The following CTNNA3 variants were observed in gnomAD, a reference collection of about 807,000 sequenced individuals.
The protein encoded by CTNNA3 is catenin alpha 3.
In CTNNA3, 76 loss-of-function variants were observed where a neutral mutation model predicts 95.7. That is an observed-to-expected ratio of 0.79 (90% confidence interval 0.66 to 0.96). The LOEUF is 0.96. CTNNA3 is among the 40% of genes least tolerant of loss of function. The pLI is 0.00. For synonymous variants in CTNNA3, 431 were observed against 374.4 expected (o/e 1.15, Z -1.74); for missense variants, 1,191 against 1,089.8 (o/e 1.09, Z -1.31).
In CTNNA3 at chr10:66,254,667, G is replaced by A. The variant is rs541650696; in HGVS notation, c.1884+25803C>T. Reference sequence around the variant, plus strand: ...ATGCTGGGGCTCTGACACCCTGCCGGGCATCTTTTTGACTCATCCTGGGAC... The same window carrying A: ...ATGCTGGGGCTCTGACACCCTGCCGAGCATCTTTTTGACTCATCCTGGGAC... On this transcript the variant is annotated intron_variant, in intron 13 of 17. Transcript: ENST00000433211. Among the ~76,000 whole-genome samples the A allele has an allele frequency of 5.3e-5, 8 of 152,224 alleles. 1 individual carries two copies. Among genetic ancestry groups the A allele is most frequent in the Middle Eastern group, 3.4e-3 (1 of 294 alleles).
chr10:67,201,815 C>G lies in CTNNA3; in HGVS notation c.843+17792G>C, dbSNP rs191312783. ...CAAAAGATTCATCCACGATCAGCTA[C>G]GTGATTTGGAAGGCTCAGTGCAATG... On this transcript the variant is annotated intron_variant, in intron 6 of 17. Coordinates refer to ENST00000433211, the MANE Select transcript of CTNNA3 (RefSeq NM_013266.4). Among the ~76,000 whole-genome samples, 6 of 152,240 alleles carry G rather than the reference C, an allele frequency of 3.9e-5. No homozygotes were observed. In the East Asian group the frequency reaches 9.7e-4, roughly 25 times the overall value.
chr10:66,037,589 T>G (rs2079592962), intron 15 of CTNNA3, among the ~76,000 whole-genome samples: 1 of 152,182 alleles, frequency 6.6e-6, no homozygotes, highest in Admixed American at 6.5e-5. Context: ...TTAAACTTAT[T>G]TAAAGACTTT....
chr10:66,409,185 C>T (rs1294806384), intron 11 of CTNNA3, among the ~76,000 whole-genome samples: 2 of 152,096 alleles, frequency 1.3e-5, no homozygotes, highest in Non-Finnish European at 2.9e-5. Context: ...GTTAACCTGC[C>T]TCTAGAAATA....
chr10:66,017,453 C>T (rs1251639510), intron 15 of CTNNA3, among the ~76,000 whole-genome samples: 2 of 152,038 alleles, frequency 1.3e-5, no homozygotes, highest in Non-Finnish European at 2.9e-5. Context: ...GACTAAAGCT[C>T]TCCATGAATT....
At chr10:66,680,831 A>C (rs533728816) in intron 9 of CTNNA3, among the ~76,000 whole-genome samples, 1 of 152,318 alleles carries the variant, frequency 6.6e-6, no homozygotes, top group South Asian at 2.1e-4. Flanking sequence ...CTTGGTATGC[A>C]AAGAAATATA....
rs1426521596 is a variant in CTNNA3, at chr10:65,920,334, T to C, written c.2684A>G (p.Tyr895Cys). Residue 895 changes from tyrosine (Y) to cysteine (C), a missense_variant, in exon 18 of 18, where the codon TAC (tyrosine) becomes TGC (cysteine). Tyr to Cys is a radical substitution (Grantham distance 194). Coordinates refer to ENST00000433211, the MANE Select transcript of CTNNA3 (RefSeq NM_013266.4). The stretch of plus-strand genomic sequence containing the variant: ...ACTATATGTAGAATAGTGGTTTCAG[T>C]AGATTTGTCTTCCTCTAAATTCACT... ...VMSEFRGRQI[Y>C] 1 of 1,613,058 alleles carries C rather than the reference T, an allele frequency of 6.2e-7. No individual in the cohort carries two copies.
intron 5 of CTNNA3, among the ~76,000 whole-genome samples, chr10:67,396,023 G>C (rs1203407392): frequency 4.6e-5 from 7 of 152,224 alleles, no homozygotes; most frequent in South Asian, 4.1e-4. Flanking sequence ...TTAAATGTAT[G>C]TTTGTAAAAT....
At chr10:67,002,733 T>A (rs1851758029) in intron 7 of CTNNA3, among the ~76,000 whole-genome samples, 1 of 150,768 alleles carries the variant, frequency 6.6e-6, no homozygotes, top group Non-Finnish European at 1.5e-5. Flanking sequence ...CAAGCAGAAT[T>A]TTTTTTTTAA....
At chr10:66,431,878 C>T (rs1048571880) in intron 11 of CTNNA3, among the ~76,000 whole-genome samples, 3 of 151,646 alleles carry the variant, frequency 2.0e-5, no homozygotes, top group Non-Finnish European at 4.4e-5. Flanking sequence ...GCACATGTAC[C>T]CTAGAACTTA....
Position 67,681,671 on chromosome 10 carries a change from T to A in CTNNA3, c.-6+14329A>T, listed in dbSNP as rs566650712. ...TTTATAATAATTAAGCAGAAAGCCC[T>A]TTCTAAGCAAAACTCAAAACCCAGA... On this transcript the variant is annotated intron_variant, in intron 1 of 17. Coordinates refer to ENST00000433211, the MANE Select transcript of CTNNA3 (RefSeq NM_013266.4). 3.0e-4 allele frequency among the ~76,000 whole-genome samples: 45 copies of A among 152,148 alleles called. 1 individual carries two copies. The South Asian group carries it at 9.3e-3, about 32-fold the overall frequency.
chr10:66,297,245 G>T (rs757303535), intron 12 of CTNNA3, among the ~76,000 whole-genome samples: 13 of 151,936 alleles, frequency 8.6e-5, no homozygotes, highest in Non-Finnish European at 1.9e-4. Context: ...CTTGAAATAG[G>T]TTAATCATTG....
intron 6 of CTNNA3, among the ~76,000 whole-genome samples, chr10:67,187,982 C>T (rs1361143045): frequency 6.6e-6 from 1 of 152,194 alleles, no homozygotes; most frequent in Non-Finnish European, 1.5e-5. Flanking sequence ...AAAGAGCCTA[C>T]TCTGTGCCAG....
At chr10:66,013,315 G>A (rs1452689215) in intron 15 of CTNNA3, among the ~76,000 whole-genome samples, 1 of 152,038 alleles carries the variant, frequency 6.6e-6, no homozygotes, top group African/African-American at 2.4e-5. Context: ...CCATTGTATT[G>A]AGTGGACCAG....
At chr10:67,288,408 C>T (rs545247921) in intron 5 of CTNNA3, among the ~76,000 whole-genome samples, 62 of 152,224 alleles carry the variant, frequency 4.1e-4, no homozygotes, top group African/African-American at 1.4e-3. Context: ...TCATTTATTA[C>T]CAATGCAACC....
At chr10:67,680,233 G>C (rs565245345) in intron 1 of CTNNA3, among the ~76,000 whole-genome samples, 4 of 152,262 alleles carry the variant, frequency 2.6e-5, no homozygotes, top group Non-Finnish European at 5.9e-5. Flanking sequence ...AAGGTCCAGG[G>C]GGTCTCAAGC....
At chr10:66,651,418 A>G (rs916789168) in intron 9 of CTNNA3, among the ~76,000 whole-genome samples, 1 of 151,832 alleles carries the variant, frequency 6.6e-6, no homozygotes, top group Non-Finnish European at 1.5e-5. Context: ...GATCACGTGC[A>G]GGATCCCTGG....
At chr10:66,086,881 A>G (rs1167935551) in intron 14 of CTNNA3, among the ~76,000 whole-genome samples, 3 of 152,144 alleles carry the variant, frequency 2.0e-5, no homozygotes, top group Non-Finnish European at 4.4e-5. Context: ...TGAGGGTGAA[A>G]GAGTTCTTGG....
intron 14 of CTNNA3, chr10:66,084,786 G>A (rs1474153315): frequency 6.6e-6 from 1 of 152,142 alleles, no homozygotes; most frequent in Non-Finnish European, 1.5e-5. Context: ...TTGTAAAATA[G>A]AAGTTTCAAT....
intron 8 of CTNNA3, among the ~76,000 whole-genome samples, chr10:66,767,807 T>C (rs1043835884): frequency 1.3e-5 from 2 of 152,198 alleles, no homozygotes; most frequent in African/African-American, 4.8e-5. Context: ...AAAATATCTC[T>C]GCCCAAAATA....
Sources: allele counts gnomAD v4.1 joint callset (sites outside exome capture counted in the v4.1 genomes callset), GRCh38; gene constraint gnomAD v4.1.1; transcripts MANE v1.5; gene names NCBI Gene and HGNC (gene_info 2026-07-23, HGNC 2026-07-21).